The following PVT1 variants were observed in gnomAD, a reference collection of about 807,000 sequenced individuals.
The protein encoded by PVT1 is Pvt1 oncogene.
intron 4 of PVT1, among the ~76,000 whole-genome samples, chr8:127,992,708 C>G (rs1231596169): frequency 6.6e-6 from 1 of 152,252 alleles, no homozygotes; most frequent in African/African-American, 2.4e-5. Flanking sequence ...TTGCTCACCC[C>G]TGGCCCTGCT....
chr8:127,972,268 C>T lies in PVT1; in HGVS notation n.783-16894C>T, dbSNP rs1816773105. Among the ~76,000 whole-genome samples the T allele has an allele frequency of 2.6e-5, 4 of 152,364 alleles. No individual in the cohort carries two copies. The South Asian group carries it at 8.3e-4, about 32-fold the overall frequency. The stretch of plus-strand genomic sequence containing the variant: ...GTGGCCTCCGTGGGGCAGGCCACTC[C>T]AGCCGGCCAGCTTTCTTGCTTTGCA... On this transcript the variant is annotated intron_variant and non_coding_transcript_variant, in intron 3 of 10. Transcript: ENST00000651587.
chr8:127,820,990 T>C (rs1814721806), intron 2 of PVT1, among the ~76,000 whole-genome samples: 1 of 152,196 alleles, frequency 6.6e-6, no homozygotes, highest in Non-Finnish European at 1.5e-5. Flanking sequence ...ATTACAGACA[T>C]GAGCCACTGC....
intron 4 of PVT1, among the ~76,000 whole-genome samples, chr8:128,059,205 C>A (rs1362732264): frequency 2.6e-5 from 4 of 152,098 alleles, no homozygotes; most frequent in African/African-American, 9.7e-5. Flanking sequence ...ATGTGAGAAC[C>A]CCCTTTGTAC....
At chr8:128,022,179 T>C (rs1200945605) in intron 4 of PVT1, among the ~76,000 whole-genome samples, 1 of 152,210 alleles carries the variant, frequency 6.6e-6, no homozygotes, top group Non-Finnish European at 1.5e-5. Flanking sequence ...AGGCCTTGTG[T>C]GGAGGTGGGT....
intron 5 of PVT1, among the ~76,000 whole-genome samples, chr8:128,088,971 G>T (rs938769120): frequency 3.3e-5 from 5 of 152,198 alleles, no homozygotes; most frequent in Admixed American, 2.6e-4. Context: ...GGCAGGTGCT[G>T]TGCCAACTTG....
intron 2 of PVT1, among the ~76,000 whole-genome samples, chr8:127,873,564 T>A (rs1473319690): frequency 6.6e-6 from 1 of 152,126 alleles, no homozygotes; most frequent in African/African-American, 2.4e-5. Context: ...GCATGGATTG[T>A]CTCATTTTAT....
chr8:127,984,881 CTTTCTT>C (rs753917541), intron 3 of PVT1, among the ~76,000 whole-genome samples: 27 of 93,300 alleles, frequency 2.9e-4, no homozygotes, highest in African/African-American at 9.4e-4. Context: ...TTCTTTCTTT[CTTTCTT>C]TCTTTCTTTC....
At chr8:127,864,784 G>C (rs1337141038) in intron 2 of PVT1, among the ~76,000 whole-genome samples, 1 of 152,082 alleles carries the variant, frequency 6.6e-6, no homozygotes, top group South Asian at 2.1e-4. Context: ...TCCTGACCTC[G>C]TGATCCGCCC....
In PVT1 at chr8:128,050,063, C is replaced by T. The variant is rs192690663; in HGVS notation, n.913-20097C>T. ...GAGACACGTGCTCTGGGCTCTTTCC[C>T]TCCTGAGTTTTGGGAAGTCCTGGCC... is the stretch of plus-strand genomic sequence containing the variant. On this transcript the variant is annotated intron_variant and non_coding_transcript_variant, in intron 4 of 10. Transcript: ENST00000651587. 3.9e-5 allele frequency among the ~76,000 whole-genome samples: 6 copies of T among 152,280 alleles called. No homozygotes were observed. The East Asian group carries it at 1.2e-3, about 29-fold the overall frequency.
intron 2 of PVT1, among the ~76,000 whole-genome samples, chr8:127,846,091 C>A (rs1019895145): frequency 6.6e-6 from 1 of 152,190 alleles, no homozygotes; most frequent in Non-Finnish European, 1.5e-5. Context: ...ACATCGTGGA[C>A]CCCTCCAGGG....
intron 3 of PVT1, among the ~76,000 whole-genome samples, chr8:127,923,010 G>A (rs1434328417): frequency 2.0e-5 from 3 of 152,210 alleles, no homozygotes; most frequent in African/African-American, 7.2e-5. Context: ...TTTGGGCAGT[G>A]CTCACCCTAT....
intron 4 of PVT1, among the ~76,000 whole-genome samples, chr8:128,041,034 G>GTTTT (rs55947574): frequency 0.63 from 94,558 of 150,074 alleles, 29,946 homozygotes; most frequent in East Asian, 0.83. Flanking sequence ...GCTCGTGTGT[G>GTTTT]TTGAGTGCCT....
intron 4 of PVT1, among the ~76,000 whole-genome samples, chr8:128,061,116 G>T (rs1007807638): frequency 1.3e-5 from 2 of 152,176 alleles, no homozygotes; most frequent in Non-Finnish European, 2.9e-5. Flanking sequence ...CGCCATGTTG[G>T]CGAGGCTGGT....
At chr8:127,899,293 G>A (rs866756592) in intron 3 of PVT1, among the ~76,000 whole-genome samples, 9 of 152,340 alleles carry the variant, frequency 5.9e-5, no homozygotes, top group African/African-American at 2.2e-4. Context: ...GCCTGTTATT[G>A]TGAAAGTGAG....
intron 4 of PVT1, among the ~76,000 whole-genome samples, chr8:127,995,118 G>A (rs1817090011): frequency 6.6e-6 from 1 of 152,144 alleles, no homozygotes; most frequent in Admixed American, 6.5e-5. Flanking sequence ...AGCTCACCAG[G>A]CTGGTTTGAT....
intron 4 of PVT1, among the ~76,000 whole-genome samples, chr8:128,054,982 A>G (rs559451846): frequency 6.6e-6 from 1 of 152,296 alleles, no homozygotes; most frequent in Middle Eastern, 3.4e-3. Flanking sequence ...GAGAAAACAC[A>G]TGAGGTTCCC....
intron 3 of PVT1, among the ~76,000 whole-genome samples, chr8:127,926,901 T>C (rs1169211545): frequency 1.3e-5 from 2 of 152,216 alleles, no homozygotes; most frequent in Non-Finnish European, 2.9e-5. Flanking sequence ...CCAAGTCTTT[T>C]CAGGCTAATC....
At chr8:128,051,167 A>G (rs1482310653) in intron 4 of PVT1, among the ~76,000 whole-genome samples, 1 of 152,346 alleles carries the variant, frequency 6.6e-6, no homozygotes, top group Non-Finnish European at 1.5e-5. Flanking sequence ...TGTGCTTCAC[A>G]CTGGAGTTGT....
intron 2 of PVT1, among the ~76,000 whole-genome samples, chr8:127,875,904 A>G (rs16902450): frequency 0.035 from 5,377 of 152,106 alleles, 338 homozygotes; most frequent in African/African-American, 0.12. Context: ...TTTTATCTCC[A>G]AGGCCTCATG....
Sources: gnomAD v4.1 joint callset for allele counts (sites outside exome capture counted in the v4.1 genomes callset) on GRCh38, gnomAD v4.1.1 for gene constraint, MANE v1.5 for transcripts, NCBI Gene and HGNC (gene_info 2026-07-23, HGNC 2026-07-21) for gene names.